Variants in MED27 observed in about 807,000 individuals in gnomAD.
The protein encoded by MED27 is mediator of RNA polymerase II transcription subunit 27.
A neutral mutation model predicts 38.2 loss-of-function variants in MED27; 30 were observed. The observed-to-expected ratio is 0.79, with a 90% CI of 0.59 to 1.07. The LOEUF (loss-of-function observed/expected upper bound fraction) is 1.07. Ranked by LOEUF, MED27 falls within the 50% of genes least tolerant of loss-of-function variation. The pLI is 0.00. For synonymous variants in MED27, 122 were observed against 153.5 expected, an observed-to-expected ratio of 0.79 and a Z score of 1.52; for missense variants, 289 against 397.5, an observed-to-expected ratio of 0.73 and a Z score of 2.32.
At chr9:132,015,069 C>A (rs1409857048) in intron 2 of MED27, among the ~76,000 whole-genome samples, 1 of 152,198 alleles carries the variant, frequency 6.6e-6, no homozygotes, top group African/African-American at 2.4e-5. Context: ...CCGCAGTACA[C>A]CATGACCACG....
At chr9:131,868,265 G>A (rs573095375) in intron 6 of MED27, among the ~76,000 whole-genome samples, 11 of 152,266 alleles carry the variant, frequency 7.2e-5, no homozygotes, top group African/African-American at 2.6e-4. Flanking sequence ...CTAACTTGGA[G>A]ATAGGTGCTT....
At chr9:131,904,190 C>T (rs921319996) in intron 4 of MED27, among the ~76,000 whole-genome samples, 1 of 152,202 alleles carries the variant, frequency 6.6e-6, no homozygotes, top group East Asian at 1.9e-4. Context: ...TGAGCCACTG[C>T]GACCAGCCCA....
intron 6 of MED27, among the ~76,000 whole-genome samples, chr9:131,865,587 T>C (rs1394394411): frequency 2.0e-5 from 3 of 152,190 alleles, no homozygotes; most frequent in Admixed American, 1.3e-4. Flanking sequence ...CCTGTTGGAA[T>C]AGCCGAGGCA....
At chr9:131,911,973 G>A (rs1830197713) in intron 4 of MED27, among the ~76,000 whole-genome samples, 1 of 152,174 alleles carries the variant, frequency 6.6e-6, no homozygotes, top group South Asian at 2.1e-4. Context: ...CCACAGCTGA[G>A]CCAGTGGTAC....
chr9:132,073,509 C>T, intron 2 of MED27: 1 of 1,288,118 alleles, frequency 7.8e-7, no homozygotes, highest in Admixed American at 3.9e-5. Context: ...TAATAGAGGA[C>T]AGAGTCCCTA....
chr9:131,911,587 T>C (rs563665940), intron 4 of MED27, among the ~76,000 whole-genome samples: 1 of 152,222 alleles, frequency 6.6e-6, no homozygotes, highest in Admixed American at 6.5e-5. Context: ...GAAAAGAACA[T>C]CTGTTATTTG....
intron 4 of MED27, among the ~76,000 whole-genome samples, chr9:131,907,196 G>GCTCTCC (rs887587152): frequency 2.6e-5 from 4 of 151,798 alleles, no homozygotes; most frequent in South Asian, 2.1e-4. Context: ...TGCCTAACGT[G>GCTCTCC]CTCTCCCTCT....
chr9:131,947,232 C>T (rs1233003280), intron 3 of MED27, among the ~76,000 whole-genome samples: 1 of 152,076 alleles, frequency 6.6e-6, no homozygotes, highest in Non-Finnish European at 1.5e-5. Context: ...ATTACATTAG[C>T]CATCAAAAGT....
chr9:132,054,830 T>C (rs1443943883), intron 2 of MED27, among the ~76,000 whole-genome samples: 3 of 152,204 alleles, frequency 2.0e-5, no homozygotes, highest in African/African-American at 7.2e-5. Flanking sequence ...GTTGTTTTGT[T>C]TACCTTTGCT....
At chr9:132,021,419 GATT>G (rs34411776) in intron 2 of MED27, among the ~76,000 whole-genome samples, 129,166 of 151,838 alleles carry the variant, frequency 0.85, 55,042 homozygotes, top group East Asian at 0.91. Flanking sequence ...CCATCATAGG[GATT>G]ATTATTTGTA....
intron 2 of MED27, among the ~76,000 whole-genome samples, chr9:132,024,426 G>A (rs1456081912): frequency 1.3e-5 from 2 of 152,160 alleles, no homozygotes; most frequent in Non-Finnish European, 2.9e-5. Flanking sequence ...AGCTGTTCTT[G>A]TGATTTTCCC....
At chr9:131,926,188 G>A (rs1357890733) in intron 4 of MED27, among the ~76,000 whole-genome samples, 4 of 152,210 alleles carry the variant, frequency 2.6e-5, no homozygotes, top group Admixed American at 1.3e-4. Context: ...GACAGGCTCC[G>A]TGAGGGCAAA....
chr9:131,980,920 A>G (rs566022270), intron 3 of MED27, among the ~76,000 whole-genome samples: 179 of 152,320 alleles, frequency 1.2e-3, no homozygotes, highest in Non-Finnish European at 2.2e-3. Context: ...TAGGAAATAA[A>G]ACCCTGGAGG....
intron 3 of MED27, among the ~76,000 whole-genome samples, chr9:131,979,696 A>G (rs1831689470): frequency 6.6e-6 from 1 of 152,220 alleles, no homozygotes; most frequent in Non-Finnish European, 1.5e-5. Context: ...GAGAGTTTAC[A>G]TTTTAGAAAT....
intron 4 of MED27, among the ~76,000 whole-genome samples, chr9:131,930,742 G>A (rs191343665): frequency 7.9e-5 from 12 of 152,300 alleles, no homozygotes; most frequent in Admixed American, 1.3e-4. Context: ...TAATTGCGCT[G>A]TGAAAACTAC....
chr9:131,939,453 G>A lies in MED27; in HGVS notation c.501C>T (p.Ser167=), dbSNP rs887569175. 2 of 1,609,492 alleles carry A rather than the reference G, an allele frequency of 1.2e-6. No individual in the cohort carries two copies. The highest frequency in any genetic ancestry group is 1.7e-6 in the Non-Finnish European group (2 of 1,178,046). The change falls in exon 4 of 8, where the codon AGC becomes AGT. Residue 167 remains serine (S), a synonymous_variant. Transcript: ENST00000292035. ...TTTCAGGAAACATCCTGTCAATGCG[G>A]CTGATCACATCATCAACATATCTAC... ...LPPQYVDDVI[S]RIDRMFPEMS... is the part of the protein sequence containing the mutation.
chr9:132,016,757 C>A (rs1832611743), intron 2 of MED27, among the ~76,000 whole-genome samples: 1 of 152,214 alleles, frequency 6.6e-6, no homozygotes, highest in South Asian at 2.1e-4. Flanking sequence ...TCCAGCCCTG[C>A]TGACTCTTTG....
chr9:131,939,306 C>G, intron 4 of MED27, 75 bp downstream of exon 4: 1 of 896,560 alleles, frequency 1.1e-6, no homozygotes. Flanking sequence ...GATCCTACAA[C>G]ACAGGACCAG....
chr9:131,984,165 C>CAAAGG (rs1746081665), intron 3 of MED27, among the ~76,000 whole-genome samples: 1 of 152,142 alleles, frequency 6.6e-6, no homozygotes, highest in South Asian at 2.1e-4. Context: ...TTTCCCTGAC[C>CAAAGG]GTTCTTTTTA....
Sources: allele counts gnomAD v4.1 joint callset (sites outside exome capture counted in the v4.1 genomes callset), GRCh38; gene constraint gnomAD v4.1.1; transcripts MANE v1.5; gene names NCBI Gene and HGNC (gene_info 2026-07-23, HGNC 2026-07-21).